Variants in TBCEL observed in about 807,000 individuals in gnomAD.
The protein encoded by TBCEL is tubulin folding cofactor E like.
TBCEL carries 15 observed loss-of-function variants against 44.2 expected under a neutral mutation model. The ratio of observed to expected loss-of-function variants is 0.34; its 90% CI spans 0.23 to 0.52. The LOEUF (loss-of-function observed/expected upper bound fraction) is 0.52. Among genes scored for constraint, TBCEL ranks in the 20% least tolerant of loss-of-function variants. The pLI is 0.95. For synonymous variants in TBCEL, 171 were observed against 185.4 expected (o/e 0.92, Z 0.63); for missense variants, 319 against 506.3 (o/e 0.63, Z 3.55).
At chr11:121,042,635 G>C (rs2134911334) in intron 2 of TBCEL, among the ~76,000 whole-genome samples, 2 of 152,228 alleles carry the variant, frequency 1.3e-5, no homozygotes, top group Non-Finnish European at 2.9e-5. Flanking sequence ...TTATGATATT[G>C]ATGCCATTTA....
intron 4 of TBCEL, among the ~76,000 whole-genome samples, chr11:121,048,783 C>G (rs1945478615): frequency 6.6e-6 from 1 of 151,800 alleles, no homozygotes; most frequent in Non-Finnish European, 1.5e-5. Context: ...CCTCTTTAGC[C>G]ATATACTTTT....
At chr11:121,086,091 A>T (rs189561226) in intron 8 of TBCEL, among the ~76,000 whole-genome samples, 1 of 152,144 alleles carries the variant, frequency 6.6e-6, no homozygotes. Flanking sequence ...GATTTTCTCT[A>T]TGGGAAACAT....
intron 2 of TBCEL, among the ~76,000 whole-genome samples, chr11:121,042,644 T>C (rs1033405683): frequency 6.6e-6 from 1 of 152,196 alleles, no homozygotes; most frequent in African/African-American, 2.4e-5. Context: ...TGATGCCATT[T>C]ATCATGAAAA....
At chr11:121,029,266 G>T (rs192280643) in intron 1 of TBCEL, among the ~76,000 whole-genome samples, 1 of 152,056 alleles carries the variant, frequency 6.6e-6, no homozygotes, top group Non-Finnish European at 1.5e-5. Context: ...AGGGAAAAAC[G>T]ATTTAATCCT....
chr11:121,055,377 G>A, intron 6 of TBCEL, 69 bp downstream of exon 6: 3 of 1,396,538 alleles, frequency 2.1e-6, no homozygotes, highest in Non-Finnish European at 1.9e-6. Flanking sequence ...TACAATGAAA[G>A]TATATTTCTT....
At chr11:121,051,421 C>T (rs1202267434) in intron 4 of TBCEL, among the ~76,000 whole-genome samples, 2 of 151,684 alleles carry the variant, frequency 1.3e-5, no homozygotes, top group Non-Finnish European at 3.0e-5. Context: ...AGTTATTCTT[C>T]GTGCTTTAGT....
chr11:121,088,918 A>G lies in TBCEL; in HGVS notation c.*1822A>G, dbSNP rs1946254086. ...TTCTGCTGCAGACTTTATCTTTCAA[A>G]ATCATAAAAATGAGCAATGGAGATC... On this transcript the variant is annotated 3_prime_UTR_variant, in exon 9 of 9. Coordinates refer to ENST00000683345, the MANE Select transcript of TBCEL (RefSeq NM_001363644.2). 6.6e-6 allele frequency: 1 copy of G among 152,210 alleles called. No homozygotes were observed. Among genetic ancestry groups the G allele is most frequent in the Non-Finnish European group, 1.5e-5 (1 of 68,030 alleles). The allele number at this position is 152,210 out of a possible 1,614,324, so 9.4% of individuals were successfully genotyped here. A position where few individuals can be genotyped will look rare whatever the true frequency, so the allele number is the denominator to read the frequency against.
At chr11:121,069,657 T>C (rs1399492915) in intron 8 of TBCEL, among the ~76,000 whole-genome samples, 1 of 152,070 alleles carries the variant, frequency 6.6e-6, no homozygotes, top group Non-Finnish European at 1.5e-5. Context: ...TCAGGCGTGG[T>C]GGTGCATGCC....
chr11:121,055,371 A>G, intron 6 of TBCEL, 63 bp downstream of exon 6: 2 of 1,417,088 alleles, frequency 1.4e-6, no homozygotes, highest in African/African-American at 1.4e-5. Flanking sequence ...ATGAAATACA[A>G]TGAAAGTATA....
In TBCEL at chr11:121,087,026, G is replaced by A; in HGVS notation, c.1205G>A (p.Ser402Asn). The change falls in exon 9 of 9, where the codon AGC becomes AAC. Residue 402 changes from serine (S) to asparagine (N), a missense_variant. Ser to Asn is a conservative substitution (Grantham distance 46). Transcript: ENST00000683345. The part of the protein sequence containing the change: ...APFGPEEMKY[S>N]SRALHSFGIR... ...TTTGGCCCAGAGGAAATGAAGTACA[G>A]CTCTCGGGCATTGCATTCCTTTGGC... 6.2e-7 allele frequency: 1 copy of A among 1,614,114 alleles called. No individual in the cohort carries two copies.
chr11:121,079,107 A>G (rs1946080741), intron 8 of TBCEL, among the ~76,000 whole-genome samples: 1 of 152,354 alleles, frequency 6.6e-6, no homozygotes, highest in East Asian at 1.9e-4. Flanking sequence ...AATGGAAAAT[A>G]CTAAATTCAC....
In TBCEL at chr11:121,053,652, C is replaced by T. The variant is rs1436973695; in HGVS notation, c.375C>T (p.Phe125=). The T allele has an allele frequency of 6.2e-7, 1 of 1,612,380 alleles. No homozygotes were observed. The highest frequency in any genetic ancestry group is 1.1e-5 in the South Asian group (1 of 91,048). The change falls in exon 5 of 9, where the codon TTC becomes TTT. Residue 125 remains phenylalanine, a synonymous_variant. Coordinates refer to ENST00000683345, the MANE Select transcript of TBCEL (RefSeq NM_001363644.2). ...SVLERTCAGS[F]SGVRKLVLNN... ...TAGAAAGAACATGTGCTGGGTCCTT[C>T]TCTGGGGTTCGCAAACTTGTCCTCA...
chr11:121,037,830 T>C (rs774802400), intron 2 of TBCEL, among the ~76,000 whole-genome samples: 2 of 152,172 alleles, frequency 1.3e-5, no homozygotes, highest in Non-Finnish European at 2.9e-5. Flanking sequence ...GCTTCAGATA[T>C]GAAAAGCTTT....
Position 121,053,574 on chromosome 11 carries a change from T to G in TBCEL, c.297T>G (p.Val99=), listed in dbSNP as rs1426864317. The change falls in exon 5 of 9, where the codon GTT becomes GTG. Residue 99 remains valine (V), a synonymous_variant. Transcript: ENST00000683345. ...AGGTCAGTAAAATTGTGTCAAATGT[T>G]CCTCAGTTGGAGTTTCTAAACCTGA... The part of the protein sequence containing the change: ...WHEVSKIVSN[V]PQLEFLNLSS... 1.9e-6 allele frequency: 3 copies of G among 1,612,210 alleles called. No homozygotes were observed. The highest frequency in any genetic ancestry group is 2.5e-6 in the Non-Finnish European group (3 of 1,178,798).
At chr11:121,053,399 G>C in intron 4 of TBCEL, 152 bp from the exon 5 acceptor site, 1 of 651,530 alleles carries the variant, frequency 1.5e-6, no homozygotes, top group East Asian at 2.7e-5. Flanking sequence ...AATCACTTAT[G>C]TCCCTCTGTG....
At chr11:121,038,023 G>T (rs894705833) in intron 2 of TBCEL, among the ~76,000 whole-genome samples, 1 of 151,424 alleles carries the variant, frequency 6.6e-6, no homozygotes, top group African/African-American at 2.4e-5. Flanking sequence ...GCAGTGGCAC[G>T]ATCTCGACTC....
At chr11:121,074,216 T>G (rs1318672502) in intron 8 of TBCEL, among the ~76,000 whole-genome samples, 1 of 152,018 alleles carries the variant, frequency 6.6e-6, no homozygotes, top group Non-Finnish European at 1.5e-5. Context: ...TGGAACCTGA[T>G]TGGAAATTTT....
In TBCEL at chr11:121,089,080, G is replaced by A. The variant is rs578055139; in HGVS notation, c.*1984G>A. On this transcript the variant is annotated 3_prime_UTR_variant, in exon 9 of 9. Coordinates refer to ENST00000683345, the MANE Select transcript of TBCEL (RefSeq NM_001363644.2). Reference sequence around the variant, plus strand: ...CTTTGTGTATGTATGCATGAGTGCAGATGAGTTTGAGAGAGAAAAAGTGTA... The same window carrying A: ...CTTTGTGTATGTATGCATGAGTGCAAATGAGTTTGAGAGAGAAAAAGTGTA... 6.6e-6 allele frequency: 1 copy of A among 152,202 alleles called. No homozygotes were observed. The highest frequency in any genetic ancestry group is 2.4e-5 in the African/African-American group (1 of 41,468). 9.4% of individuals were successfully genotyped at this position (152,202 alleles called of 1,614,324 possible).
At chr11:121,050,367 A>C (rs1165472578) in intron 4 of TBCEL, among the ~76,000 whole-genome samples, 1 of 151,748 alleles carries the variant, frequency 6.6e-6, no homozygotes, top group East Asian at 1.9e-4. Context: ...TTTTTGGATG[A>C]CCAAGAATAT....
Sources: allele counts gnomAD v4.1 joint callset (sites outside exome capture counted in the v4.1 genomes callset), GRCh38; gene constraint gnomAD v4.1.1; transcripts MANE v1.5; gene names NCBI Gene and HGNC (gene_info 2026-07-23, HGNC 2026-07-21).